Variants in SPTBN4 observed in about 807,000 individuals in gnomAD.
The protein encoded by SPTBN4 is spectrin beta, non-erythrocytic 4.
SPTBN4 carries 96 observed loss-of-function variants against 277.8 expected under a neutral mutation model. That is an observed-to-expected ratio of 0.35 (90% CI 0.29 to 0.41). SPTBN4 has a LOEUF of 0.41. Among genes scored for constraint, SPTBN4 ranks in the 10% least tolerant of loss-of-function variants. The pLI is 1.00. For synonymous variants in SPTBN4, 1,481 were observed against 1,580.3 expected, an observed-to-expected ratio of 0.94 and a Z score of 1.49; for missense variants, 3,006 against 3,595.7, an observed-to-expected ratio of 0.84 and a Z score of 4.19.
At chr19:40,574,119 CA>C (rs1448402570) in intron 35 of SPTBN4, among the ~76,000 whole-genome samples, 1 of 59,686 alleles carries the variant, frequency 1.7e-5, no homozygotes. Context: ...AACAAACAAA[CA>C]AAACAAAACA....
chr19:40,574,230 C>T (rs984545901), intron 35 of SPTBN4, among the ~76,000 whole-genome samples: 2 of 152,136 alleles, frequency 1.3e-5, no homozygotes, highest in African/African-American at 4.8e-5. Flanking sequence ...ATGGCTGGGC[C>T]ACACAGGCCT....
intron 21 of SPTBN4, among the ~76,000 whole-genome samples, chr19:40,549,688 CTCCTCTGT>C (rs2080896598): frequency 6.6e-6 from 1 of 152,244 alleles, no homozygotes; most frequent in Non-Finnish European, 1.5e-5. Context: ...CATTCATTCA[CTCCTCTGT>C]TCCTCATTCC....
chr19:40,538,157 G>C (rs1173220208), intron 20 of SPTBN4, among the ~76,000 whole-genome samples: 1 of 151,992 alleles, frequency 6.6e-6, no homozygotes, highest in African/African-American at 2.4e-5. Context: ...GGGAGGCCAA[G>C]GCGGGTGGTT....
intron 17 of SPTBN4, among the ~76,000 whole-genome samples, chr19:40,526,737 A>G (rs1655315860): frequency 6.6e-6 from 1 of 152,036 alleles, no homozygotes; most frequent in Non-Finnish European, 1.5e-5. Flanking sequence ...AGCATGTGCC[A>G]CCTTGCTCGG....
chr19:40,512,802 C>T lies in SPTBN4; in HGVS notation c.2013C>T (p.Gly671=), dbSNP rs887014569. The change falls in exon 14 of 36, where the codon GGC becomes GGT. Residue 671 remains glycine (G), a synonymous_variant. Coordinates refer to ENST00000598249, the MANE Select transcript of SPTBN4 (RefSeq NM_020971.3). ...RDKERLLEAA[G]GGGAAGAAGA... ...AGGAGCGTCTCCTGGAGGCTGCGGG[C>T]GGCGGCGGTGCGGCGGGCGCAGCGG... The T allele has an allele frequency of 2.7e-6, 4 of 1,461,804 alleles. No individual in the cohort carries two copies. Among genetic ancestry groups the T allele is most frequent in the Admixed American group, 5.5e-5 (2 of 36,274 alleles). The allele number at this position is 1,461,804 out of a possible 1,614,324, so 90.6% of individuals were successfully genotyped here. A position where few individuals can be genotyped will look rare whatever the true frequency, so the allele number is the denominator to read the frequency against.
intron 32 of SPTBN4, among the ~76,000 whole-genome samples, chr19:40,569,979 CACACACACAG>C (rs2081136961): frequency 6.8e-6 from 1 of 146,328 alleles, no homozygotes; most frequent in African/African-American, 2.5e-5. Flanking sequence ...CACACAGACA[CACACACACAG>C]ACACACACAC....
chr19:40,489,477 C>T (rs2080112289), intron 3 of SPTBN4, among the ~76,000 whole-genome samples: 1 of 152,054 alleles, frequency 6.6e-6, no homozygotes, highest in Non-Finnish European at 1.5e-5. Flanking sequence ...GCCTCCGCTT[C>T]CCGGGTTCAA....
Position 40,568,041 on chromosome 19 carries a change from C to G in SPTBN4, c.6715C>G (p.Arg2239Gly). 6.4e-7 allele frequency: 1 copy of G among 1,551,584 alleles called. No homozygotes were observed. The highest frequency in any genetic ancestry group is 1.4e-5 in the African/African-American group (1 of 72,944). The part of the protein sequence containing the change: ...PRPERQESAD[R>G]AEELPRRRRP... ...ACCGGAGCGCCAGGAGTCAGCTGATCGCGCGGAGGAGCTGCCCAGGAGGCG... is the reference window on the plus strand; with the variant it reads ...ACCGGAGCGCCAGGAGTCAGCTGATGGCGCGGAGGAGCTGCCCAGGAGGCG... The change falls in exon 31 of 36, where the codon CGC becomes GGC. Residue 2239 changes from arginine to glycine, a missense_variant. By Grantham distance (125) the Arg-to-Gly change is moderately radical (BLOSUM62 -2). Around this residue, in one of 5 missense-constraint regions of SPTBN4, gnomAD observed 630 missense variants for 677.6 expected, o/e 0.93. Coordinates refer to ENST00000598249, the MANE Select transcript of SPTBN4 (RefSeq NM_020971.3).
intron 20 of SPTBN4, among the ~76,000 whole-genome samples, chr19:40,544,807 T>A (rs1350315579): frequency 6.6e-6 from 1 of 151,948 alleles, no homozygotes; most frequent in Non-Finnish European, 1.5e-5. Flanking sequence ...TGGATTTGTT[T>A]AACCATTTTA....
Position 40,519,281 on chromosome 19 carries a change from C to T in SPTBN4, c.2904-120C>T. On this transcript the variant is annotated intron_variant, in intron 15 of 35. Transcript: ENST00000598249. The surrounding 1 kb of genome is among the most constrained non-coding windows in gnomAD (Gnocchi z 5.7). ...TTTACACCGGCAGAAACTGGAGAAA[C>T]TTTCTGAGGTCACACAGTGGCTGGG... 9.5e-7 allele frequency: 1 copy of T among 1,055,026 alleles called. No individual in the cohort carries two copies. Among genetic ancestry groups the T allele is most frequent in the African/African-American group, 1.7e-5 (1 of 60,404 alleles). 65.4% of individuals were successfully genotyped at this position (1,055,026 alleles called of 1,614,324 possible).
In SPTBN4 at chr19:40,560,324, C is replaced by A; in HGVS notation, c.5836C>A (p.Arg1946Ser). The A allele has an allele frequency of 6.2e-7, 1 of 1,614,108 alleles. No individual in the cohort carries two copies. The highest frequency in any genetic ancestry group is 1.7e-5 in the Admixed American group (1 of 60,028). Residue 1946 changes from arginine to serine, a missense_variant, in exon 27 of 36, where the codon CGC (arginine) becomes AGC (serine). Physicochemically the swap from Arg to Ser is moderately radical, Grantham distance 110 (BLOSUM62 -1). Transcript: ENST00000598249. The surrounding 1 kb of genome is among the most constrained non-coding windows in gnomAD (Gnocchi z 5.2). ...TGTCAGCTCCACAGCCGACGCCCTG[C>A]GCTTCCACAGCCAAGTCCGCGACCT... Reference protein sequence around the residue: ...LHVSSTADALRFHSQVRDLLS... With the variant: ...LHVSSTADALSFHSQVRDLLS...
At chr19:40,509,944 C>A (rs1388885715) in intron 13 of SPTBN4, among the ~76,000 whole-genome samples, 2 of 152,184 alleles carry the variant, frequency 1.3e-5, no homozygotes, top group Non-Finnish European at 2.9e-5. Context: ...CCCTCTCCTT[C>A]ACCTTAGCTA....
intron 20 of SPTBN4, among the ~76,000 whole-genome samples, chr19:40,544,567 G>T (rs934964705): frequency 6.8e-6 from 1 of 147,244 alleles, no homozygotes. Flanking sequence ...CCTGCCTCAG[G>T]CTCCCGAGTA....
rs35597606 is a variant in SPTBN4 at position 40,509,085 on chromosome 19, CTT to C, written c.1816+2717_1816+2718del. ...TTATTATTATTGTTGTTGTTTATTG[CTT>C]TTTTTTTTTTTTTTTTTAGACACTT... is the stretch of plus-strand genomic sequence containing the variant. On this transcript the variant is annotated intron_variant, in intron 13 of 35. Transcript: ENST00000598249. Among the ~76,000 whole-genome samples the C allele has an allele frequency of 3.8e-3, 378 of 100,206 alleles. 1 individual carries two copies. The highest frequency in any genetic ancestry group is 0.013 in the African/African-American group (315 of 24,580). The allele number at this position is 100,206 out of a possible 152,430, so 65.7% of individuals were successfully genotyped here.
rs2080454847 is a variant in SPTBN4, at chr19:40,516,022, C to CGTATATATACACACATATAT, written c.2903+587_2903+588insCATATATGTATATATACACA. 6.6e-5 allele frequency among the ~76,000 whole-genome samples: 9 copies of CGTATATATACACACATATAT among 135,598 alleles called. 2 individuals are homozygous for CGTATATATACACACATATAT. The highest frequency in any genetic ancestry group is 2.1e-4 in the East Asian group (1 of 4,810). 89.0% of individuals were successfully genotyped at this position (135,598 alleles called of 152,430 possible). A position where few individuals can be genotyped will look rare whatever the true frequency, so the allele number is the denominator to read the frequency against. On this transcript the variant is annotated intron_variant, in intron 15 of 35. Coordinates refer to ENST00000598249, the MANE Select transcript of SPTBN4 (RefSeq NM_020971.3). ...ATATACGTATATATACACACATATA[C>CGTATATATACACACATATAT]GTATATATACACATATATATGTATA...
chr19:40,565,804 C>A, intron 29 of SPTBN4, 59 bp downstream of exon 29: 1 of 1,520,872 alleles, frequency 6.6e-7, no homozygotes, highest in Non-Finnish European at 8.9e-7. Flanking sequence ...CCAGCCTGTC[C>A]AGCCAAGGCC....
intron 5 of SPTBN4, 143 bp from the exon 6 acceptor site, chr19:40,494,750 ACACC>A: frequency 1.5e-6 from 1 of 685,190 alleles, no homozygotes; most frequent in East Asian, 2.7e-5. Flanking sequence ...TACCTACCCA[ACACC>A]CACCCATCCA....
At position 40,576,145 on chromosome 19, in the gene SPTBN4, G is replaced by A. The variant is rs1163183878; in HGVS notation, c.*576G>A. The A allele has an allele frequency of 7.2e-5, 11 of 152,612 alleles. No homozygotes were observed. Among genetic ancestry groups the A allele is most frequent in the Admixed American group, 7.2e-4 (11 of 15,290 alleles). The allele number at this position is 152,612 out of a possible 1,614,324, so 9.5% of individuals were successfully genotyped here. On this transcript the variant is annotated 3_prime_UTR_variant, in exon 36 of 36. Transcript: ENST00000598249. ...AGCCATGCGGTTAATTCCTGACTTA[G>A]TTTATTTTTGCAAAACGTCGATCTC...
intron 18 of SPTBN4, chr19:40,530,498 C>T (rs1411357381): frequency 1.0e-6 from 1 of 980,014 alleles, no homozygotes. Context: ...GGAGCCTCAG[C>T]CTTCGCCGCC....
Sources: allele counts gnomAD v4.1 joint callset (sites outside exome capture counted in the v4.1 genomes callset), GRCh38; gene constraint gnomAD v4.1.1; regional missense constraint gnomAD v4.1.1; non-coding constraint Gnocchi (gnomAD v3.1); transcripts MANE v1.5; gene names NCBI Gene and HGNC (gene_info 2026-07-23, HGNC 2026-07-21).